GATB: variants seen among roughly 807,000 people sequenced by gnomAD.
GATB encodes glutamyl-tRNA amidotransferase subunit B.
A neutral mutation model predicts 62.3 loss-of-function variants in GATB; 39 were observed. That is an observed-to-expected ratio of 0.63 (90% CI 0.48 to 0.82). The LOEUF (loss-of-function observed/expected upper bound fraction) is 0.82, where lower values mean the gene tolerates loss of function less well. Among genes scored for constraint, GATB ranks in the 40% least tolerant of loss-of-function variants. GATB has a pLI of 0.00. For missense variants in GATB, 670 were observed against 684.0 expected (o/e 0.98, Z 0.23); for synonymous variants, 276 against 258.9 (o/e 1.07, Z -0.63).
At chr4:151,692,147 ACT>A in intron 9 of GATB, among the ~76,000 whole-genome samples, 1 of 151,758 alleles carries the variant, frequency 6.6e-6, no homozygotes, top group Non-Finnish European at 1.5e-5. Flanking sequence ...CCCAACAACA[ACT>A]CTCTGAGCTC....
chr4:151,748,895 G>A (rs532336502), intron 2 of GATB, among the ~76,000 whole-genome samples: 181 of 152,260 alleles, frequency 1.2e-3, no homozygotes, highest in Non-Finnish European at 2.0e-3. Flanking sequence ...GCAGCCAACA[G>A]ACACATGAAA....
Position 151,679,703 on chromosome 4 carries a change from G to A in GATB, c.1410+110C>T, listed in dbSNP as rs1227294252. On this transcript the variant is annotated intron_variant, in intron 11 of 12. Transcript: ENST00000263985. ...TTCAGCATTAAAAACACCACTACTG[G>A]CATTTAATACTTCCATGATGAAAGT... The A allele has an allele frequency of 1.2e-5, 11 of 881,100 alleles. No homozygotes were observed. The South Asian group carries it at 1.5e-4, about 12-fold the overall frequency. 54.6% of individuals were successfully genotyped at this position (881,100 alleles called of 1,614,324 possible).
At chr4:151,759,607 T>A (rs1343536398) in intron 1 of GATB, among the ~76,000 whole-genome samples, 1 of 152,330 alleles carries the variant, frequency 6.6e-6, no homozygotes, top group East Asian at 1.9e-4. Context: ...GTTACTTTTT[T>A]AATGCTTATT....
chr4:151,686,189 G>A (rs1451736463), intron 10 of GATB, among the ~76,000 whole-genome samples: 8 of 152,068 alleles, frequency 5.3e-5, no homozygotes, highest in East Asian at 3.9e-4. Context: ...ACAACGTGCC[G>A]GGCACTGTGA....
At chr4:151,757,035 T>G (rs1739845815) in intron 2 of GATB, among the ~76,000 whole-genome samples, 1 of 152,208 alleles carries the variant, frequency 6.6e-6, no homozygotes, top group African/African-American at 2.4e-5. Context: ...GTAGAGGTGT[T>G]ATGACAACTT....
chr4:151,739,736 G>A (rs1685506784), intron 2 of GATB, among the ~76,000 whole-genome samples: 1 of 152,216 alleles, frequency 6.6e-6, no homozygotes, highest in African/African-American at 2.4e-5. Flanking sequence ...CATGTGACAG[G>A]ACTTTGCTTT....
intron 2 of GATB, among the ~76,000 whole-genome samples, chr4:151,746,036 T>C (rs113638606): frequency 0.013 from 2,027 of 152,352 alleles, 41 homozygotes; most frequent in African/African-American, 0.046. Flanking sequence ...TCTTATTAAA[T>C]GAATTGTAGT....
chr4:151,740,350 C>T (rs1367743445), intron 2 of GATB, among the ~76,000 whole-genome samples: 1 of 152,192 alleles, frequency 6.6e-6, no homozygotes, highest in African/African-American at 2.4e-5. Context: ...GGACAGCCCT[C>T]TACACACCTA....
intron 6 of GATB, 104 bp downstream of exon 6, chr4:151,707,884 C>G (rs1057109298): frequency 1.3e-6 from 1 of 748,182 alleles, no homozygotes; most frequent in African/African-American, 1.7e-5. Flanking sequence ...CCAGTGAAAA[C>G]GAAAGTAGTT....
chr4:151,684,061 T>A (rs1738197563), intron 10 of GATB, among the ~76,000 whole-genome samples: 2 of 152,192 alleles, frequency 1.3e-5, no homozygotes, highest in African/African-American at 4.8e-5. Context: ...CACAGTGAGC[T>A]CAACAGGTTT....
Position 151,688,733 on chromosome 4 carries a change from T to A in GATB, c.1228A>T (p.Asn410Tyr), listed in dbSNP as rs773182148. The A allele has an allele frequency of 1.9e-6, 3 of 1,609,362 alleles. No individual in the cohort carries two copies. The highest frequency in any genetic ancestry group is 2.5e-6 in the Non-Finnish European group (3 of 1,178,872). The stretch of plus-strand genomic sequence containing the variant: ...TCTGCCCTAGTTTCTTTTATCACAT[T>A]TTGGAAGAACTCCAGTAGGCCGACT... ...NEVGLLEFFQ[N>Y]VIKETRAEPK... is the part of the protein sequence containing the mutation. Residue 410 changes from asparagine (N) to tyrosine (Y), a missense_variant, in exon 10 of 13, where the codon AAT becomes TAT. Physicochemically the swap from Asn to Tyr is moderately radical, Grantham distance 143. Transcript: ENST00000263985.
chr4:151,701,374 A>G lies in GATB; in HGVS notation c.1152T>C (p.Leu384=), dbSNP rs147915190. Residue 384 remains leucine (L), a synonymous_variant, in exon 9 of 13, where the codon CTT becomes CTC. Coordinates refer to ENST00000263985, the MANE Select transcript of GATB (RefSeq NM_004564.3). The part of the protein sequence containing the change: ...PELPSVTREK[L]VQQYGMLLEH... ...CCAGCAGCATCCCATACTGTTGGAC[A>G]AGCTTCTCTCGGGTCACACTGGGGA... 3.4e-4 allele frequency: 536 copies of G among 1,594,508 alleles called. 1 individual carries two copies. The highest frequency in any genetic ancestry group is 4.1e-4 in the Non-Finnish European group (485 of 1,170,210).
At chr4:151,725,992 A>C (rs1231757827) in intron 2 of GATB, among the ~76,000 whole-genome samples, 1 of 152,230 alleles carries the variant, frequency 6.6e-6, no homozygotes, top group Non-Finnish European at 1.5e-5. Flanking sequence ...CTTACTGAAA[A>C]TCCAGCTGGC....
chr4:151,690,917 G>A (rs1248209198), intron 9 of GATB, among the ~76,000 whole-genome samples: 1 of 152,210 alleles, frequency 6.6e-6, no homozygotes, highest in African/African-American at 2.4e-5. Context: ...CAGCCACCCA[G>A]GAAATGATGG....
intron 2 of GATB, among the ~76,000 whole-genome samples, chr4:151,754,488 C>T (rs1739784681): frequency 6.6e-6 from 1 of 152,102 alleles, no homozygotes; most frequent in Non-Finnish European, 1.5e-5. Context: ...TATCTATCGT[C>T]TACCAAGTTC....
chr4:151,710,435 A>G (rs1738795878), intron 5 of GATB, among the ~76,000 whole-genome samples: 1 of 152,204 alleles, frequency 6.6e-6, no homozygotes, highest in Non-Finnish European at 1.5e-5. Flanking sequence ...CCTTTTCAGC[A>G]AAGCCTCTTA....
intron 9 of GATB, among the ~76,000 whole-genome samples, chr4:151,698,551 G>T (rs997033937): frequency 2.0e-5 from 3 of 152,284 alleles, no homozygotes; most frequent in East Asian, 3.9e-4. Flanking sequence ...TTGTGCATCT[G>T]CCCTTCTCAG....
chr4:151,720,540 TTAGGA>T (rs1443732230), intron 2 of GATB: 1 of 152,334 alleles, frequency 6.6e-6, no homozygotes, highest in East Asian at 1.9e-4. Context: ...TCTATTTTTG[TTAGGA>T]TATTTATGAT....
intron 2 of GATB, among the ~76,000 whole-genome samples, chr4:151,727,312 A>G (rs977884469): frequency 1.3e-5 from 2 of 152,352 alleles, no homozygotes; most frequent in East Asian, 1.9e-4. Flanking sequence ...TTTGGCCTAC[A>G]TCAGTCCTAG....
Sources: allele counts gnomAD v4.1 joint callset (sites outside exome capture counted in the v4.1 genomes callset), GRCh38; gene constraint gnomAD v4.1.1; transcripts MANE v1.5; gene names NCBI Gene and HGNC (gene_info 2026-07-23, HGNC 2026-07-21).